NOX4: variants seen among roughly 807,000 people sequenced by gnomAD.
The protein encoded by NOX4 is kidney oxidase-1.
A neutral mutation model predicts 87.6 loss-of-function variants in NOX4; 69 were observed. The observed-to-expected ratio is 0.79, with a 90% CI of 0.65 to 0.96. The LOEUF is 0.96. Ranked by LOEUF, NOX4 falls within the 40% of genes least tolerant of loss-of-function variation. The pLI is 0.00. For missense variants in NOX4, 680 were observed against 681.5 expected (o/e 1.00, Z 0.02); for synonymous variants, 275 against 238.2 (o/e 1.15, Z -1.42).
intron 2 of NOX4, among the ~76,000 whole-genome samples, chr11:89,455,950 G>A (rs1482392728): frequency 6.6e-6 from 1 of 151,808 alleles, no homozygotes; most frequent in Non-Finnish European, 1.5e-5. Context: ...AAGAGGCAAT[G>A]GTTAACAGGT....
At chr11:89,419,676 T>A (rs2135256456) in intron 8 of NOX4, among the ~76,000 whole-genome samples, 1 of 151,930 alleles carries the variant, frequency 6.6e-6, no homozygotes, top group South Asian at 2.1e-4. Flanking sequence ...GCCTACTATT[T>A]CTCTGTATAA....
At chr11:89,377,703 C>T (rs1341925540) in intron 11 of NOX4, among the ~76,000 whole-genome samples, 1 of 151,894 alleles carries the variant, frequency 6.6e-6, no homozygotes, top group Non-Finnish European at 1.5e-5. Flanking sequence ...TAAAGAAGCG[C>T]CTTTTAATAA....
intron 1 of NOX4, 170 bp downstream of exon 1, chr11:89,491,019 TG>T: frequency 4.1e-6 from 3 of 738,120 alleles, no homozygotes; most frequent in South Asian, 3.0e-5. Flanking sequence ...GGCGAGGGGG[TG>T]GGAGGGGGAG....
At chr11:89,396,710 A>G (rs535671587) in intron 11 of NOX4, among the ~76,000 whole-genome samples, 9 of 152,274 alleles carry the variant, frequency 5.9e-5, no homozygotes, top group African/African-American at 2.2e-4. Flanking sequence ...CAAAGATCAA[A>G]AGAGACAAAG....
intron 2 of NOX4, among the ~76,000 whole-genome samples, chr11:89,461,647 A>AAAAAAATAAAT (rs143756693): frequency 4.8e-5 from 7 of 145,634 alleles, no homozygotes; most frequent in African/African-American, 1.8e-4. Flanking sequence ...TCCATCTCAA[A>AAAAAAATAAAT]AAATAAATAA....
chr11:89,366,697 AAAG>A lies in NOX4; in HGVS notation c.1135+6732_1135+6734del, dbSNP rs1186017981. ...AGCAAGACCTGTCTCTAAAAACTGAAAAGAAAAAAAAAAAAAAAAAGAACATTG... is the reference window on the plus strand; with the variant it reads ...AGCAAGACCTGTCTCTAAAAACTGAAAAAAAAAAAAAAAAAAAGAACATTG... On this transcript the variant is annotated intron_variant, in intron 12 of 17. Coordinates refer to ENST00000263317, the MANE Select transcript of NOX4 (RefSeq NM_016931.5). Among the ~76,000 whole-genome samples, 56 of 110,810 alleles carry A rather than the reference AAAG, an allele frequency of 5.1e-4. 1 individual carries two copies. Among genetic ancestry groups the A allele is most frequent in the African/African-American group, 2.8e-3 (50 of 17,788 alleles). 72.7% of individuals were successfully genotyped at this position (110,810 alleles called of 152,430 possible). A position where few individuals can be genotyped will look rare whatever the true frequency, so the allele number is the denominator to read the frequency against.
At chr11:89,381,961 A>T (rs1940321506) in intron 11 of NOX4, among the ~76,000 whole-genome samples, 1 of 151,964 alleles carries the variant, frequency 6.6e-6, no homozygotes, top group South Asian at 2.1e-4. Context: ...GAAGAGATGC[A>T]TTTTATCCGT....
At chr11:89,533,619 C>A in the NOX4 span, 1 of 150,026 alleles carries the variant, frequency 6.7e-6, no homozygotes. Context: ...TTCTGTTAAG[C>A]CTTTAAGATT....
chr11:89,340,247 T>A, intron 14 of NOX4, 76 bp from the exon 15 acceptor site: 1 of 1,008,054 alleles, frequency 9.9e-7, no homozygotes, highest in Non-Finnish European at 1.5e-6. Context: ...TTTTTTAAAG[T>A]TTCCTTTTCA....
intron 2 of NOX4, chr11:89,489,060 A>G: frequency 1.4e-6 from 1 of 697,526 alleles, no homozygotes. Flanking sequence ...TTTTCAACCC[A>G]TTGGCTTAAA....
the NOX4 span, among the ~76,000 whole-genome samples, chr11:89,563,710 A>G: frequency 6.6e-6 from 1 of 152,148 alleles, no homozygotes; most frequent in Admixed American, 6.5e-5. Context: ...TGTAATTTTA[A>G]TTTTCCTCTG....
At chr11:89,528,096 C>T in the NOX4 span, among the ~76,000 whole-genome samples, 1 of 151,972 alleles carries the variant, frequency 6.6e-6, no homozygotes, top group Admixed American at 6.6e-5. Context: ...AGTCAAAGGA[C>T]ATCATTTCAG....
intron 12 of NOX4, among the ~76,000 whole-genome samples, chr11:89,372,387 A>T (rs1939511070): frequency 6.6e-6 from 1 of 152,004 alleles, no homozygotes; most frequent in Non-Finnish European, 1.5e-5. Flanking sequence ...TTTCTGTGCT[A>T]CTACCCAGAA....
At chr11:89,374,025 G>C (rs577368277) in intron 11 of NOX4, among the ~76,000 whole-genome samples, 127 of 152,160 alleles carry the variant, frequency 8.3e-4, no homozygotes, top group African/African-American at 3.0e-3. Context: ...GGTGAGGGTA[G>C]CTGGGGAGAG....
At chr11:89,333,298 C>T (rs1175055926) in intron 17 of NOX4, among the ~76,000 whole-genome samples, 2 of 151,662 alleles carry the variant, frequency 1.3e-5, no homozygotes, top group Non-Finnish European at 3.0e-5. Flanking sequence ...ACAACAAAAA[C>T]AACAAAGTAA....
At chr11:89,546,388 T>C in the NOX4 span, among the ~76,000 whole-genome samples, 2 of 152,208 alleles carry the variant, frequency 1.3e-5, no homozygotes, top group Admixed American at 1.3e-4. Context: ...ATATCCTTCA[T>C]GCTGCTGGAT....
intron 12 of NOX4, among the ~76,000 whole-genome samples, chr11:89,360,479 A>G (rs1938435605): frequency 6.6e-6 from 1 of 152,138 alleles, no homozygotes; most frequent in African/African-American, 2.4e-5. Flanking sequence ...CTTGTCAATT[A>G]TACCTAAATA....
intron 8 of NOX4, among the ~76,000 whole-genome samples, chr11:89,417,979 A>G (rs1320809637): frequency 6.6e-6 from 1 of 152,106 alleles, no homozygotes; most frequent in African/African-American, 2.4e-5. Context: ...TTAAAGATGT[A>G]TTTTAACACT....
Position 89,432,214 on chromosome 11 carries a change from G to C in NOX4, c.548+570C>G, listed in dbSNP as rs183260862. 2.9e-3 allele frequency among the ~76,000 whole-genome samples: 446 copies of C among 152,086 alleles called. 1 individual carries two copies. The highest frequency in any genetic ancestry group is 8.8e-3 in the African/African-American group (367 of 41,498). On this transcript the variant is annotated intron_variant, in intron 7 of 17. Transcript: ENST00000263317. ...CGGGGCCTGTTGTGGGGTTGGGAGA[G>C]GGGGAGGGACAGCATTAGGAGATAT...
Sources: gnomAD v4.1 joint callset for allele counts (sites outside exome capture counted in the v4.1 genomes callset) on GRCh38, gnomAD v4.1.1 for gene constraint, MANE v1.5 for transcripts, NCBI Gene and HGNC (gene_info 2026-07-23, HGNC 2026-07-21) for gene names.